The following LRMDA variants were observed in gnomAD, a reference collection of about 807,000 sequenced individuals.
LRMDA encodes leucine-rich melanocyte differentiation-associated protein.
A neutral mutation model predicts 29.8 loss-of-function variants in LRMDA; 18 were observed. The ratio of observed to expected loss-of-function variants is 0.60; its 90% CI spans 0.42 to 0.90. The LOEUF (loss-of-function observed/expected upper bound fraction) is 0.90. Ranked by LOEUF, LRMDA falls within the 40% of genes least tolerant of loss-of-function variation. The pLI is 0.00. For synonymous variants in LRMDA, 125 were observed against 109.4 expected, an observed-to-expected ratio of 1.14 and a Z score of -0.89; for missense variants, 273 against 273.9, an observed-to-expected ratio of 1.00 and a Z score of 0.02.
At chr10:75,800,175 C>T (rs1022665534) in intron 2 of LRMDA, among the ~76,000 whole-genome samples, 6 of 152,072 alleles carry the variant, frequency 3.9e-5, no homozygotes, top group African/African-American at 1.4e-4. Flanking sequence ...TTTAAGTGCA[C>T]ACATATTTAT....
chr10:75,578,698 C>T (rs1406459860), intron 2 of LRMDA, among the ~76,000 whole-genome samples: 1 of 152,126 alleles, frequency 6.6e-6, no homozygotes, highest in African/African-American at 2.4e-5. Flanking sequence ...AACAGTCTGT[C>T]AGACCACAGT....
At position 76,324,876 on chromosome 10, in the gene LRMDA, G is replaced by T. The variant is rs536709462; in HGVS notation, c.601+391G>T. Among the ~76,000 whole-genome samples, 11 of 152,282 alleles carry T rather than the reference G, an allele frequency of 7.2e-5. No individual in the cohort carries two copies. The East Asian group carries it at 1.5e-3, about 21-fold the overall frequency. ...CAATTAACAGCTATAATTTCAAAAT[G>T]AATGAACTCTATGTTATAACTAAAA... On this transcript the variant is annotated intron_variant, in intron 6 of 6. Transcript: ENST00000611255.
rs186883273 is a variant in LRMDA at position 75,659,726 on chromosome 10, G to A, written c.131+221232G>A. Reference sequence around the variant, plus strand: ...TTCTGAGGATCTAATATACAGCATGGTGACCATAGTTATAACACTGTATTG... The same window carrying A: ...TTCTGAGGATCTAATATACAGCATGATGACCATAGTTATAACACTGTATTG... On this transcript the variant is annotated intron_variant, in intron 2 of 6. Transcript: ENST00000611255. 5.3e-5 allele frequency among the ~76,000 whole-genome samples: 8 copies of A among 152,272 alleles called. 1 individual carries two copies. Among genetic ancestry groups the A allele is most frequent in the Middle Eastern group, 6.8e-3 (2 of 294 alleles).
chr10:76,069,361 T>A (rs1382840546), intron 5 of LRMDA, among the ~76,000 whole-genome samples: 2 of 152,206 alleles, frequency 1.3e-5, no homozygotes, highest in African/African-American at 2.4e-5. Context: ...CAGGGCTCCA[T>A]CAATAATGCA....
At chr10:75,901,390 C>T (rs1267381284) in intron 2 of LRMDA, among the ~76,000 whole-genome samples, 1 of 151,258 alleles carries the variant, frequency 6.6e-6, no homozygotes, top group Non-Finnish European at 1.5e-5. Flanking sequence ...ACTGTGAAAA[C>T]AAATATATGC....
chr10:76,385,151 C>A (rs1288072101), intron 6 of LRMDA, among the ~76,000 whole-genome samples: 1 of 152,148 alleles, frequency 6.6e-6, no homozygotes, highest in East Asian at 1.9e-4. Flanking sequence ...CATTTGAATG[C>A]CCAAGAGGCT....
rs1468082064 is a variant in LRMDA, at chr10:76,530,580, G to A, written c.602-26629G>A. Among the ~76,000 whole-genome samples the A allele has an allele frequency of 2.0e-5, 3 of 152,252 alleles. No homozygotes were observed. In the East Asian group the frequency reaches 5.8e-4, roughly 29 times the overall value. On this transcript the variant is annotated intron_variant, in intron 6 of 6. Coordinates refer to ENST00000611255, the MANE Select transcript of LRMDA (RefSeq NM_001305581.2). ...GAAGCTCGATAAAGTTAGCTATGAT[G>A]ATGACTGTAATGACGAGGAGGAGCA...
At chr10:76,227,656 G>A (rs912378871) in intron 5 of LRMDA, among the ~76,000 whole-genome samples, 23 of 152,194 alleles carry the variant, frequency 1.5e-4, no homozygotes, top group Admixed American at 8.5e-4. Context: ...CCCCAAGGAA[G>A]AGTAACTACA....
chr10:75,736,828 A>G (rs1250622722), intron 2 of LRMDA, among the ~76,000 whole-genome samples: 1 of 152,178 alleles, frequency 6.6e-6, no homozygotes, highest in African/African-American at 2.4e-5. Context: ...TCCCCCTTCA[A>G]TATCAGATGA....
chr10:76,522,204 A>G (rs1843128242), intron 6 of LRMDA, among the ~76,000 whole-genome samples: 1 of 152,164 alleles, frequency 6.6e-6, no homozygotes, highest in Non-Finnish European at 1.5e-5. Flanking sequence ...TATCCAATTA[A>G]TTCACAAAAC....
chr10:76,525,825 T>C (rs1843169469), intron 6 of LRMDA, among the ~76,000 whole-genome samples: 1 of 152,186 alleles, frequency 6.6e-6, no homozygotes, highest in Admixed American at 6.5e-5. Flanking sequence ...TTACTGTTAG[T>C]ATGTAGCAAT....
intron 6 of LRMDA, among the ~76,000 whole-genome samples, chr10:76,412,779 A>G (rs1841976535): frequency 6.6e-6 from 1 of 152,162 alleles, no homozygotes; most frequent in South Asian, 2.1e-4. Flanking sequence ...GCCTGAAAAC[A>G]CCATTCCTGC....
intron 5 of LRMDA, among the ~76,000 whole-genome samples, chr10:76,308,281 A>G (rs1159726854): frequency 6.6e-6 from 1 of 152,170 alleles, no homozygotes; most frequent in Non-Finnish European, 1.5e-5. Context: ...ATCTACCTGT[A>G]GATATGTATG....
At chr10:76,159,514 A>G (rs1422292168) in intron 5 of LRMDA, among the ~76,000 whole-genome samples, 1 of 152,198 alleles carries the variant, frequency 6.6e-6, no homozygotes, top group African/African-American at 2.4e-5. Flanking sequence ...CTTATGATCC[A>G]GCCATCACAC....
chr10:76,449,483 A>G (rs1337915818), intron 6 of LRMDA, among the ~76,000 whole-genome samples: 2 of 151,938 alleles, frequency 1.3e-5, no homozygotes, highest in Non-Finnish European at 2.9e-5. Flanking sequence ...TATTGTTTCA[A>G]TAAAACCATC....
intron 5 of LRMDA, among the ~76,000 whole-genome samples, chr10:76,306,766 C>T (rs1473819003): frequency 6.6e-6 from 1 of 152,130 alleles, no homozygotes; most frequent in African/African-American, 2.4e-5. Context: ...ACTGTTGTTC[C>T]CAGAGGACTT....
chr10:75,796,954 A>G (rs1199693212), intron 2 of LRMDA, among the ~76,000 whole-genome samples: 1 of 152,170 alleles, frequency 6.6e-6, no homozygotes, highest in African/African-American at 2.4e-5. Flanking sequence ...TTTTTGTAAG[A>G]TTTAGGGATA....
chr10:75,712,624 CAG>C (rs936207587), intron 2 of LRMDA, among the ~76,000 whole-genome samples: 3 of 152,164 alleles, frequency 2.0e-5, no homozygotes, highest in Admixed American at 2.0e-4. Flanking sequence ...GAATGAAAGA[CAG>C]AGAGGAATTG....
intron 5 of LRMDA, among the ~76,000 whole-genome samples, chr10:76,123,015 G>A (rs1347151677): frequency 6.6e-6 from 1 of 152,032 alleles, no homozygotes; most frequent in Non-Finnish European, 1.5e-5. Flanking sequence ...GTGCTTATTA[G>A]GGATTTCAGA....
Sources: allele counts gnomAD v4.1 joint callset (sites outside exome capture counted in the v4.1 genomes callset), GRCh38; gene constraint gnomAD v4.1.1; transcripts MANE v1.5; gene names NCBI Gene and HGNC (gene_info 2026-07-23, HGNC 2026-07-21).